SCHIP1: variants seen among roughly 807,000 people sequenced by gnomAD.
SCHIP1 encodes the protein schwannomin interacting protein 1.
SCHIP1 carries 8 observed loss-of-function variants against 29.7 expected under a neutral mutation model. The ratio of observed to expected loss-of-function variants is 0.27; its 90% CI spans 0.16 to 0.49. SCHIP1 has a LOEUF of 0.49. Ranked by LOEUF, SCHIP1 falls within the 20% of genes least tolerant of loss-of-function variation. The pLI is 0.99. For synonymous variants in SCHIP1, 76 were observed against 94.9 expected (o/e 0.80, Z 1.16); for missense variants, 193 against 294.6 (o/e 0.66, Z 2.52).
chr3:159,777,216 C>T, the SCHIP1 span, among the ~76,000 whole-genome samples: 2 of 152,284 alleles, frequency 1.3e-5, no homozygotes, highest in Admixed American at 1.3e-4. Context: ...CCTAATCCAA[C>T]CTCCTCACTT....
the SCHIP1 span, among the ~76,000 whole-genome samples, chr3:159,720,640 A>C: frequency 2.8e-4 from 42 of 151,614 alleles, no homozygotes; most frequent in Admixed American, 7.9e-4. Context: ...GCTGGAGTGC[A>C]GTGGCACCAT....
the SCHIP1 span, among the ~76,000 whole-genome samples, chr3:159,366,512 C>G: frequency 6.6e-6 from 1 of 151,838 alleles, no homozygotes; most frequent in Admixed American, 6.6e-5. Context: ...AACTCCCTAC[C>G]ATTCAGTTCC....
chr3:159,703,556 T>A, the SCHIP1 span, among the ~76,000 whole-genome samples: 1 of 152,122 alleles, frequency 6.6e-6, no homozygotes, highest in Non-Finnish European at 1.5e-5. Flanking sequence ...AAAAATAGAT[T>A]CCCAAGCAAT....
chr3:159,291,036 G>A, the SCHIP1 span, among the ~76,000 whole-genome samples: 1 of 152,006 alleles, frequency 6.6e-6, no homozygotes, highest in Admixed American at 6.6e-5. Flanking sequence ...CTAGTTTGTG[G>A]TCTCCAAATA....
chr3:159,727,523 G>A, the SCHIP1 span, among the ~76,000 whole-genome samples: 1 of 152,068 alleles, frequency 6.6e-6, no homozygotes, highest in African/African-American at 2.4e-5. Flanking sequence ...GGAAAATGAA[G>A]CCCCAAATAT....
At chr3:159,424,821 C>T in the SCHIP1 span, among the ~76,000 whole-genome samples, 25,547 of 152,084 alleles carry the variant, frequency 0.17, 2,465 homozygotes, top group South Asian at 0.37. Context: ...AAGGGAAGCC[C>T]ATCAGACTAA....
the SCHIP1 span, among the ~76,000 whole-genome samples, chr3:159,678,879 G>A: frequency 6.6e-6 from 1 of 152,200 alleles, no homozygotes; most frequent in African/African-American, 2.4e-5. Flanking sequence ...TAGATCTCGT[G>A]AGAACTCACT....
the SCHIP1 span, among the ~76,000 whole-genome samples, chr3:159,616,013 C>T: frequency 6.6e-6 from 1 of 152,146 alleles, no homozygotes; most frequent in Non-Finnish European, 1.5e-5. Flanking sequence ...TGCACCCCAT[C>T]CCCTACTCCT....
the SCHIP1 span, among the ~76,000 whole-genome samples, chr3:159,778,374 G>T: frequency 6.6e-6 from 1 of 152,102 alleles, no homozygotes; most frequent in Non-Finnish European, 1.5e-5. Context: ...TACAAAGATA[G>T]TACACAGAGT....
At chr3:159,536,705 G>A in the SCHIP1 span, among the ~76,000 whole-genome samples, 2 of 152,126 alleles carry the variant, frequency 1.3e-5, no homozygotes, top group African/African-American at 4.8e-5. Context: ...AGGGAAAGAA[G>A]ACAAAATAGG....
At chr3:159,853,590 C>T in intron 1 of SCHIP1, 1 of 489,690 alleles carries the variant, frequency 2.0e-6, no homozygotes, top group Non-Finnish European at 3.6e-6. Flanking sequence ...AAACTAAATG[C>T]ACAGAATCAA....
At chr3:159,672,297 T>C in the SCHIP1 span, among the ~76,000 whole-genome samples, 3 of 152,242 alleles carry the variant, frequency 2.0e-5, no homozygotes, top group South Asian at 6.2e-4. Context: ...TCAATAAATG[T>C]TAGCTCTTAT....
At chr3:159,510,711 G>T in the SCHIP1 span, among the ~76,000 whole-genome samples, 1 of 152,344 alleles carries the variant, frequency 6.6e-6, no homozygotes, top group East Asian at 1.9e-4. Context: ...CTGCAGGTCT[G>T]TTGGAGTTTA....
chr3:159,833,731 G>T, the SCHIP1 span, among the ~76,000 whole-genome samples: 1 of 152,112 alleles, frequency 6.6e-6, no homozygotes, highest in Admixed American at 6.6e-5. Context: ...TTAAGCTCCA[G>T]CTGCCTCTTA....
the SCHIP1 span, among the ~76,000 whole-genome samples, chr3:159,498,833 C>T: frequency 6.6e-6 from 1 of 152,154 alleles, no homozygotes; most frequent in South Asian, 2.1e-4. Flanking sequence ...TCATTGATTG[C>T]AAGTAGCAAT....
the SCHIP1 span, among the ~76,000 whole-genome samples, chr3:159,371,833 G>T: frequency 2.0e-5 from 3 of 152,068 alleles, no homozygotes; most frequent in Admixed American, 2.0e-4. Flanking sequence ...CAAGAAAAAA[G>T]TCTGTACATG....
the SCHIP1 span, among the ~76,000 whole-genome samples, chr3:159,562,658 G>A: frequency 6.6e-6 from 1 of 152,162 alleles, no homozygotes; most frequent in African/African-American, 2.4e-5. Context: ...CCGTGCCCAG[G>A]AGGGACTTCC....
chr3:159,528,285 G>A, the SCHIP1 span, among the ~76,000 whole-genome samples: 1 of 152,316 alleles, frequency 6.6e-6, no homozygotes, highest in East Asian at 1.9e-4. Flanking sequence ...AGGCAGAGCA[G>A]CAGTGGTAAA....
intron 6 of SCHIP1, among the ~76,000 whole-genome samples, chr3:159,895,205 G>A (rs996031805): frequency 6.6e-6 from 1 of 152,308 alleles, no homozygotes; most frequent in African/African-American, 2.4e-5. Flanking sequence ...GAGAGCTATC[G>A]ATAAGGTACT....
Sources: allele counts gnomAD v4.1 joint callset (sites outside exome capture counted in the v4.1 genomes callset), GRCh38; gene constraint gnomAD v4.1.1; transcripts MANE v1.5; gene names NCBI Gene and HGNC (gene_info 2026-07-23, HGNC 2026-07-21).